EIF2B3: variants seen among roughly 807,000 people sequenced by gnomAD.
EIF2B3 encodes the protein eukaryotic translation initiation factor 2B subunit gamma.
In EIF2B3, 20 loss-of-function variants were observed where a neutral mutation model predicts 54.1. The observed-to-expected ratio is 0.37, with a 90% CI of 0.26 to 0.54. EIF2B3 has a LOEUF of 0.54. EIF2B3 is among the 20% of genes least tolerant of loss of function. EIF2B3 has a pLI of 0.86. For synonymous variants in EIF2B3, 153 were observed against 188.1 expected (o/e 0.81, Z 1.52); for missense variants, 448 against 547.8 (o/e 0.82, Z 1.82).
chr1:44,983,150 T>C (rs1466032917), intron 1 of EIF2B3, among the ~76,000 whole-genome samples: 1 of 151,722 alleles, frequency 6.6e-6, no homozygotes, highest in Non-Finnish European at 1.5e-5. Context: ...ACTCCTGGCC[T>C]CAGGCCTCCT....
chr1:44,945,442 T>C (rs1005715953), intron 3 of EIF2B3, among the ~76,000 whole-genome samples: 9 of 151,322 alleles, frequency 5.9e-5, no homozygotes, highest in African/African-American at 1.9e-4. Flanking sequence ...TAGTCCCAGC[T>C]ACTCGGGAGG....
intron 3 of EIF2B3, among the ~76,000 whole-genome samples, chr1:44,943,649 C>A (rs562705004): frequency 4.7e-5 from 7 of 150,104 alleles, no homozygotes; most frequent in Non-Finnish European, 1.0e-4. Context: ...GACTCGAACT[C>A]CTGGACTCAA....
chr1:44,952,978 A>G (rs1406861546), intron 3 of EIF2B3, among the ~76,000 whole-genome samples: 1 of 152,216 alleles, frequency 6.6e-6, no homozygotes, highest in East Asian at 1.9e-4. Flanking sequence ...AGCATACATC[A>G]TACAGTGATT....
chr1:44,900,398 T>A (rs1258453048), intron 5 of EIF2B3, among the ~76,000 whole-genome samples: 3 of 119,044 alleles, frequency 2.5e-5, no homozygotes, highest in African/African-American at 3.4e-5. Flanking sequence ...AGTTAGCTGA[T>A]AACATGCCAC....
chr1:44,943,704 G>A (rs1190150682), intron 3 of EIF2B3, among the ~76,000 whole-genome samples: 1 of 152,118 alleles, frequency 6.6e-6, no homozygotes, highest in African/African-American at 2.4e-5. Context: ...GAGTACAGGC[G>A]TGAGCCACCG....
intron 10 of EIF2B3, among the ~76,000 whole-genome samples, chr1:44,863,695 C>G (rs1654682749): frequency 6.6e-6 from 1 of 152,154 alleles, no homozygotes; most frequent in African/African-American, 2.4e-5. Context: ...ACCAGGGTAT[C>G]CATTATTGGA....
chr1:44,950,684 T>C (rs1260736059), intron 3 of EIF2B3, among the ~76,000 whole-genome samples: 1 of 152,054 alleles, frequency 6.6e-6, no homozygotes, highest in Non-Finnish European at 1.5e-5. Flanking sequence ...GTATAAGGTG[T>C]TTATTTATTT....
chr1:44,874,792 T>C lies in EIF2B3; in HGVS notation c.1088A>G (p.Gln363Arg). 6.2e-7 allele frequency: 1 copy of C among 1,614,144 alleles called. No homozygotes were observed. Among genetic ancestry groups the C allele is most frequent in the Non-Finnish European group, 8.5e-7 (1 of 1,180,028 alleles). Reference protein sequence around the residue: ...GVDSLIGPETQIGEKSSIKRS... With the variant: ...GVDSLIGPETRIGEKSSIKRS... Reference sequence around the variant, plus strand: ...CTTAATGGATGACTTCTCTCCAATCTGTGTCTCTGGCCCAATGAGGCTGTC... The same window carrying C: ...CTTAATGGATGACTTCTCTCCAATCCGTGTCTCTGGCCCAATGAGGCTGTC... Residue 363 changes from glutamine to arginine, a missense_variant, in exon 10 of 12, where the codon CAG (glutamine) becomes CGG (arginine). Transcript: ENST00000360403.
At chr1:44,918,325 G>A (rs913942238) in intron 5 of EIF2B3, among the ~76,000 whole-genome samples, 6 of 150,190 alleles carry the variant, frequency 4.0e-5, no homozygotes, top group Non-Finnish European at 8.9e-5. Context: ...CAAGTGACCT[G>A]GCCGTCTTGG....
intron 3 of EIF2B3, among the ~76,000 whole-genome samples, chr1:44,951,002 T>TA (rs1246504438): frequency 8.5e-5 from 13 of 152,294 alleles, no homozygotes; most frequent in East Asian, 1.9e-4. Flanking sequence ...ATGAGTTTTT[T>TA]AAAAAAGACA....
At chr1:44,915,162 T>C (rs1181348225) in intron 5 of EIF2B3, among the ~76,000 whole-genome samples, 2 of 151,102 alleles carry the variant, frequency 1.3e-5, no homozygotes, top group Admixed American at 6.6e-5. Flanking sequence ...AGCTGAGTGG[T>C]AGTGGCACAT....
intron 3 of EIF2B3, among the ~76,000 whole-genome samples, chr1:44,963,915 G>T (rs1292784791): frequency 6.6e-6 from 1 of 152,128 alleles, no homozygotes; most frequent in East Asian, 1.9e-4. Context: ...GAAGGAAAAT[G>T]ACTTAAAAGA....
intron 5 of EIF2B3, among the ~76,000 whole-genome samples, chr1:44,925,935 G>A (rs61790561): frequency 6.8e-6 from 1 of 147,730 alleles, no homozygotes; most frequent in African/African-American, 2.5e-5. Flanking sequence ...AAAAAAAAAG[G>A]CCACTTAGAA....
chr1:44,928,458 T>A (rs867528350), intron 4 of EIF2B3, among the ~76,000 whole-genome samples: 17 of 151,254 alleles, frequency 1.1e-4, no homozygotes, highest in Admixed American at 2.6e-4. Flanking sequence ...ATAAATAAAT[T>A]AATTAATTAA....
chr1:44,909,445 G>A (rs193286070), intron 5 of EIF2B3, among the ~76,000 whole-genome samples: 50 of 152,174 alleles, frequency 3.3e-4, no homozygotes, highest in Admixed American at 3.3e-3. Context: ...TCCAAGAAAG[G>A]TGAATCCTAA....
chr1:44,875,594 C>A (rs760718955), intron 9 of EIF2B3, 24 bp downstream of exon 9: 4 of 1,610,576 alleles, frequency 2.5e-6, no homozygotes, highest in Non-Finnish European at 3.4e-6. Flanking sequence ...ATCTCATGCC[C>A]GTCCTGGCCA....
At chr1:44,925,757 C>G (rs1244406278) in intron 5 of EIF2B3, among the ~76,000 whole-genome samples, 1 of 151,930 alleles carries the variant, frequency 6.6e-6, no homozygotes, top group Non-Finnish European at 1.5e-5. Flanking sequence ...AACCCCGTAT[C>G]TACTAAAAAT....
intron 8 of EIF2B3, among the ~76,000 whole-genome samples, chr1:44,877,402 G>C (rs2148903399): frequency 6.6e-6 from 1 of 152,094 alleles, no homozygotes; most frequent in Non-Finnish European, 1.5e-5. Context: ...CTCCTTGAAA[G>C]TAATGCCATG....
chr1:44,856,517 A>G (rs1654438437), intron 11 of EIF2B3, among the ~76,000 whole-genome samples: 1 of 138,586 alleles, frequency 7.2e-6, no homozygotes, highest in Non-Finnish European at 1.5e-5. Context: ...TCTGTCTCAA[A>G]AAATTAAAAT....
Sources: gnomAD v4.1 joint callset for allele counts (sites outside exome capture counted in the v4.1 genomes callset) on GRCh38, gnomAD v4.1.1 for gene constraint, MANE v1.5 for transcripts, NCBI Gene and HGNC (gene_info 2026-07-23, HGNC 2026-07-21) for gene names.